ASB3: variants seen among roughly 807,000 people sequenced by gnomAD.
ASB3 encodes ankyrin repeat and SOCS box containing 3.
A neutral mutation model predicts 54.5 loss-of-function variants in ASB3; 41 were observed. The ratio of observed to expected loss-of-function variants is 0.75; its 90% CI spans 0.59 to 0.98. The LOEUF (loss-of-function observed/expected upper bound fraction) is 0.98, where lower values mean the gene tolerates loss of function less well. Ranked by LOEUF, ASB3 falls within the 50% of genes least tolerant of loss-of-function variation. The pLI is 0.00. For missense variants in ASB3, 733 were observed against 620.0 expected (o/e 1.18, Z -1.94); for synonymous variants, 266 against 221.2 (o/e 1.20, Z -1.80).
intron 9 of ASB3, among the ~76,000 whole-genome samples, chr2:53,685,122 G>A (rs1187312325): frequency 6.6e-6 from 1 of 152,180 alleles, no homozygotes; most frequent in Non-Finnish European, 1.5e-5. Context: ...TTTACTCTGG[G>A]AGAAATCGAG....
intron 3 of ASB3, among the ~76,000 whole-genome samples, chr2:53,738,509 G>C (rs964701163): frequency 1.3e-5 from 2 of 152,178 alleles, no homozygotes; most frequent in African/African-American, 4.8e-5. Flanking sequence ...GTGTTCAAGA[G>C]CCCCATGTGG....
At chr2:53,686,967 G>C (rs1401960701) in intron 9 of ASB3, among the ~76,000 whole-genome samples, 3 of 152,182 alleles carry the variant, frequency 2.0e-5, no homozygotes, top group Non-Finnish European at 4.4e-5. Flanking sequence ...TGATCCGCCT[G>C]CCTTGGCCTC....
chr2:53,709,940 C>T (rs570722257), intron 7 of ASB3, among the ~76,000 whole-genome samples: 7 of 152,314 alleles, frequency 4.6e-5, no homozygotes, highest in Admixed American at 1.3e-4. Flanking sequence ...ATACTGCAGC[C>T]GTCCTGTGGG....
At chr2:53,724,095 T>G (rs1280495065) in intron 5 of ASB3, among the ~76,000 whole-genome samples, 1 of 152,202 alleles carries the variant, frequency 6.6e-6, no homozygotes, top group Non-Finnish European at 1.5e-5. Context: ...AAGTGGGACC[T>G]AATTAATCTC....
Position 53,690,044 on chromosome 2 carries a change from C to T in ASB3, c.1369+3840G>A, listed in dbSNP as rs148127612. On this transcript the variant is annotated intron_variant, in intron 9 of 9. Coordinates refer to ENST00000263634, the MANE Select transcript of ASB3 (RefSeq NM_016115.5). ...GCCCAGGAGGAGTTCAAGAGCAGCC[C>T]GGGTAACATGGCGAAACCCTGTCTC... Among the ~76,000 whole-genome samples, 589 of 151,528 alleles carry T rather than the reference C, an allele frequency of 3.9e-3. 2 individuals carry two copies. Among genetic ancestry groups the T allele is most frequent in the African/African-American group, 0.013 (553 of 41,264 alleles).
chr2:53,734,677 GC>G (rs1490053674), intron 3 of ASB3, among the ~76,000 whole-genome samples: 1 of 152,064 alleles, frequency 6.6e-6, no homozygotes, highest in Admixed American at 6.6e-5. Flanking sequence ...AAATTCAATG[GC>G]CTTTTCTCAG....
At position 53,786,858 on chromosome 2, in the gene ASB3, C is replaced by T. The variant is rs138153653; in HGVS notation, c.-51G>A. ...CACTTCTACACCGAAATGGCTGGTC[C>T]GAGGCCGCGTCTCCAGAGCTGCGTC... is the stretch of plus-strand genomic sequence containing the variant. On this transcript the variant is annotated 5_prime_UTR_variant, in exon 1 of 10. Transcript: ENST00000263634. 4.6e-4 allele frequency: 114 copies of T among 246,898 alleles called. No homozygotes were observed. Among genetic ancestry groups the T allele is most frequent in the African/African-American group, 2.4e-3 (106 of 44,760 alleles). The allele number at this position is 246,898 out of a possible 1,614,324, so 15.3% of individuals were successfully genotyped here.
At chr2:53,736,140 T>A (rs1007076216) in intron 3 of ASB3, among the ~76,000 whole-genome samples, 1 of 152,094 alleles carries the variant, frequency 6.6e-6, no homozygotes, top group African/African-American at 2.4e-5. Flanking sequence ...ACTCCTTAAA[T>A]CAATAAAAAG....
At position 53,785,743 on chromosome 2, in the gene ASB3, G is replaced by C. The variant is rs185559225; in HGVS notation, c.-14+1078C>G. 1.8e-3 allele frequency among the ~76,000 whole-genome samples: 273 copies of C among 152,342 alleles called. 1 individual carries two copies. Among genetic ancestry groups the C allele is most frequent in the African/African-American group, 6.1e-3 (255 of 41,574 alleles). On this transcript the variant is annotated intron_variant, in intron 1 of 9. Transcript: ENST00000263634. ...TAATCCCAACTACTCGGAAGGCTGA[G>C]AAAAAGGAGAATCCCTTGAACTCCA... is the stretch of plus-strand genomic sequence containing the variant.
chr2:53,701,818 G>T lies in ASB3; in HGVS notation c.981-1290C>A, dbSNP rs911263196. Among the ~76,000 whole-genome samples, 3 of 152,024 alleles carry T rather than the reference G, an allele frequency of 2.0e-5. No homozygotes were observed. In the South Asian group the frequency reaches 6.2e-4, roughly 32 times the overall value. ...ATTAATCTGAAAAAAGCAAACAAAA[G>T]TATAAAATGCCCAAAATTCTGTAAA... On this transcript the variant is annotated intron_variant, in intron 7 of 9. Transcript: ENST00000263634.
At chr2:53,701,866 C>T (rs992562068) in intron 7 of ASB3, among the ~76,000 whole-genome samples, 4 of 152,146 alleles carry the variant, frequency 2.6e-5, no homozygotes, top group African/African-American at 9.7e-5. Context: ...GGTATATATA[C>T]TTAAATATAA....
intron 3 of ASB3, among the ~76,000 whole-genome samples, chr2:53,732,704 T>C (rs1393115329): frequency 6.6e-6 from 1 of 152,224 alleles, no homozygotes; most frequent in Non-Finnish European, 1.5e-5. Context: ...TTAAAAACAT[T>C]TCCCAATGAC....
At chr2:53,732,761 C>T (rs571563684) in intron 3 of ASB3, among the ~76,000 whole-genome samples, 77 of 152,240 alleles carry the variant, frequency 5.1e-4, no homozygotes, top group African/African-American at 1.7e-3. Context: ...TTTCACAGCC[C>T]TTGTTAATTA....
rs539599412 is a variant in ASB3 at position 53,693,623 on chromosome 2, A to T, written c.1369+261T>A. Among the ~76,000 whole-genome samples the T allele has an allele frequency of 2.1e-4, 32 of 152,288 alleles. No individual in the cohort carries two copies. The East Asian group carries it at 5.8e-3, about 27-fold the overall frequency. On this transcript the variant is annotated intron_variant, in intron 9 of 9. Coordinates refer to ENST00000263634, the MANE Select transcript of ASB3 (RefSeq NM_016115.5). ...TATAATCCTTATTAAAAATAAAAGGATATCATAAAATTAAAATATCAGTAA... is the reference window on the plus strand; with the variant it reads ...TATAATCCTTATTAAAAATAAAAGGTTATCATAAAATTAAAATATCAGTAA...
In ASB3 at chr2:53,753,649, TCTG is replaced by T. The variant is rs1299125109; in HGVS notation, c.197-2711_197-2709del. 2.8e-4 allele frequency among the ~76,000 whole-genome samples: 41 copies of T among 146,268 alleles called. No individual in the cohort carries two copies. In the East Asian group the frequency reaches 6.2e-3, roughly 22 times the overall value. ...CAGATCTTGGTTTTCTCTCTTTCTT[TCTG>T]TTTTTTTTTTTTGAGACAGTGTTGC... On this transcript the variant is annotated intron_variant, in intron 2 of 9. Coordinates refer to ENST00000263634, the MANE Select transcript of ASB3 (RefSeq NM_016115.5).
chr2:53,728,898 G>C (rs1215785901), intron 4 of ASB3, 51 bp from the exon 5 acceptor site: 2 of 1,507,362 alleles, frequency 1.3e-6, no homozygotes, highest in African/African-American at 2.8e-5. Context: ...GAAAATAGAA[G>C]GTATCTTTCT....
intron 3 of ASB3, among the ~76,000 whole-genome samples, chr2:53,732,549 T>A (rs978498244): frequency 2.6e-5 from 4 of 152,202 alleles, no homozygotes; most frequent in Non-Finnish European, 1.5e-5. Context: ...GCTGACCTTA[T>A]AAAAATTAAA....
chr2:53,671,204 T>G (rs975552447), intron 9 of ASB3, among the ~76,000 whole-genome samples: 1 of 152,200 alleles, frequency 6.6e-6, no homozygotes, highest in Non-Finnish European at 1.5e-5. Flanking sequence ...GCCCATGTAC[T>G]TCACTCAAAT....
chr2:53,730,118 G>C (rs1671218477), intron 3 of ASB3, among the ~76,000 whole-genome samples: 1 of 151,918 alleles, frequency 6.6e-6, no homozygotes, highest in East Asian at 1.9e-4. Flanking sequence ...GCGGATTCCA[G>C]AAAAAATAAA....
Sources: allele counts gnomAD v4.1 joint callset (sites outside exome capture counted in the v4.1 genomes callset), GRCh38; gene constraint gnomAD v4.1.1; transcripts MANE v1.5; gene names NCBI Gene and HGNC (gene_info 2026-07-23, HGNC 2026-07-21).